The following GAB2 variants were observed in gnomAD, a reference collection of about 807,000 sequenced individuals.
GAB2 encodes the protein GRB2-associated-binding protein 2.
A neutral mutation model predicts 65.5 loss-of-function variants in GAB2; 26 were observed. The ratio of observed to expected loss-of-function variants is 0.40; its 90% CI spans 0.29 to 0.55. The LOEUF (loss-of-function observed/expected upper bound fraction) is 0.55. Among genes scored for constraint, GAB2 ranks in the 20% least tolerant of loss-of-function variants. GAB2 has a pLI of 0.53. For missense variants in GAB2, 884 were observed against 875.8 expected (o/e 1.01, Z -0.12); for synonymous variants, 321 against 329.6 (o/e 0.97, Z 0.28).
intron 2 of GAB2, among the ~76,000 whole-genome samples, chr11:78,272,121 C>G (rs1278727178): frequency 6.6e-6 from 1 of 152,122 alleles, no homozygotes; most frequent in African/African-American, 2.4e-5. Flanking sequence ...TTGTAAATTG[C>G]CCAGTCTTGG....
At chr11:78,250,037 A>ATTT in intron 3 of GAB2, 120 bp downstream of exon 3, 1 of 1,017,234 alleles carries the variant, frequency 9.8e-7, no homozygotes, top group Non-Finnish European at 1.5e-6. Context: ...TTTGTCATAG[A>ATTT]CGTGTTTGTC....
In GAB2 at chr11:78,291,191, G is replaced by A. The variant is rs189813136; in HGVS notation, c.76-10290C>T. Among the ~76,000 whole-genome samples, 683 of 150,356 alleles carry A rather than the reference G, an allele frequency of 4.5e-3. 4 individuals carry two copies. The highest frequency in any genetic ancestry group is 0.016 in the African/African-American group (661 of 40,862). On this transcript the variant is annotated intron_variant, in intron 1 of 9. Coordinates refer to ENST00000361507, the MANE Select transcript of GAB2 (RefSeq NM_080491.3). ...ATCAAGGCTGGGCGTGGTGGCTCAC[G>A]TCTGTAATCCCAGCATTTTGAGAGG... is the stretch of plus-strand genomic sequence containing the variant.
At chr11:78,367,613 A>G (rs1856513387) in intron 1 of GAB2, among the ~76,000 whole-genome samples, 1 of 152,172 alleles carries the variant, frequency 6.6e-6, no homozygotes, top group Non-Finnish European at 1.5e-5. Flanking sequence ...AATTCAGGCT[A>G]AAGATACCAG....
At chr11:78,309,295 A>G (rs960011422) in intron 1 of GAB2, among the ~76,000 whole-genome samples, 4 of 152,172 alleles carry the variant, frequency 2.6e-5, no homozygotes, top group Admixed American at 2.6e-4. Context: ...AGCTTTTAGT[A>G]TACTTGCAAG....
chr11:78,362,553 C>G (rs1385687724), intron 1 of GAB2, among the ~76,000 whole-genome samples: 1 of 151,956 alleles, frequency 6.6e-6, no homozygotes, highest in Non-Finnish European at 1.5e-5. Context: ...TGCAACAAAT[C>G]AAAACATTTC....
At chr11:78,374,194 G>A (rs1591072541) in intron 1 of GAB2, among the ~76,000 whole-genome samples, 1 of 152,274 alleles carries the variant, frequency 6.6e-6, no homozygotes, top group South Asian at 2.1e-4. Context: ...TTTGTAATCC[G>A]AAAACACACT....
intron 1 of GAB2, among the ~76,000 whole-genome samples, chr11:78,388,535 C>T (rs1467836733): frequency 2.0e-5 from 3 of 151,906 alleles, no homozygotes; most frequent in Admixed American, 2.0e-4. Flanking sequence ...GCTATGTTGT[C>T]TAGGCTGATC....
At chr11:78,255,817 C>T (rs1865581830) in intron 2 of GAB2, among the ~76,000 whole-genome samples, 1 of 152,168 alleles carries the variant, frequency 6.6e-6, no homozygotes, top group Admixed American at 6.5e-5. Context: ...AGGGTCACTC[C>T]CTATAATTAA....
intron 1 of GAB2, chr11:78,387,992 T>C (rs1368535461): frequency 1.3e-5 from 2 of 152,116 alleles, no homozygotes; most frequent in Non-Finnish European, 2.9e-5. Context: ...GACAGTACTC[T>C]ATATAGTAAG....
intron 1 of GAB2, among the ~76,000 whole-genome samples, chr11:78,326,030 T>A (rs978850675): frequency 2.0e-5 from 3 of 152,236 alleles, no homozygotes; most frequent in African/African-American, 7.2e-5. Flanking sequence ...ACAATCATTC[T>A]TATCTTGTGT....
chr11:78,306,705 G>A (rs1855366992), intron 1 of GAB2, among the ~76,000 whole-genome samples: 1 of 152,188 alleles, frequency 6.6e-6, no homozygotes, highest in Non-Finnish European at 1.5e-5. Context: ...GCGTCTTGAA[G>A]GCAGAGAGTG....
At chr11:78,377,473 G>GGATCA (rs746147290) in intron 1 of GAB2, among the ~76,000 whole-genome samples, 2 of 152,120 alleles carry the variant, frequency 1.3e-5, no homozygotes, top group Non-Finnish European at 2.9e-5. Context: ...ATCACACTGG[G>GGATCA]GATCAGAATT....
intron 1 of GAB2, among the ~76,000 whole-genome samples, chr11:78,295,267 T>C (rs1375307803): frequency 2.0e-5 from 3 of 152,196 alleles, no homozygotes; most frequent in African/African-American, 7.2e-5. Context: ...CCCCTTAGAC[T>C]TTCCGGGTCA....
chr11:78,240,532 T>C (rs557443921), intron 3 of GAB2, among the ~76,000 whole-genome samples: 2 of 151,990 alleles, frequency 1.3e-5, no homozygotes, highest in Non-Finnish European at 2.9e-5. Context: ...AGTAGAGTCA[T>C]TGCTCTGCTG....
intron 1 of GAB2, among the ~76,000 whole-genome samples, chr11:78,294,566 C>G (rs530274722): frequency 6.6e-6 from 1 of 152,186 alleles, no homozygotes; most frequent in Admixed American, 6.5e-5. Context: ...TCCACATCCT[C>G]TCCAGCACCT....
intron 1 of GAB2, among the ~76,000 whole-genome samples, chr11:78,416,707 G>A (rs1385834432): frequency 6.6e-6 from 1 of 151,326 alleles, no homozygotes; most frequent in Admixed American, 6.6e-5. Context: ...GACCATTTCG[G>A]CCAAATCTCA....
At chr11:78,268,503 T>G (rs1865925262) in intron 2 of GAB2, among the ~76,000 whole-genome samples, 1 of 152,104 alleles carries the variant, frequency 6.6e-6, no homozygotes. Flanking sequence ...TGGAATCCAG[T>G]CAGGGACCAA....
intron 1 of GAB2, among the ~76,000 whole-genome samples, chr11:78,331,144 C>T (rs1469477697): frequency 6.6e-6 from 1 of 151,862 alleles, no homozygotes; most frequent in Non-Finnish European, 1.5e-5. Flanking sequence ...CACTGCACTC[C>T]AGCCTGGGTG....
At chr11:78,317,326 G>A (rs1295284799) in intron 1 of GAB2, among the ~76,000 whole-genome samples, 2 of 152,174 alleles carry the variant, frequency 1.3e-5, no homozygotes, top group Non-Finnish European at 2.9e-5. Flanking sequence ...CACTTTGGGA[G>A]CCAAGGTGGA....
Sources: gnomAD v4.1 joint callset for allele counts (sites outside exome capture counted in the v4.1 genomes callset) on GRCh38, gnomAD v4.1.1 for gene constraint, MANE v1.5 for transcripts, NCBI Gene and HGNC (gene_info 2026-07-23, HGNC 2026-07-21) for gene names.